Variants in INPP4B observed in about 807,000 individuals in gnomAD.
INPP4B encodes the protein inositol polyphosphate-4-phosphatase type II B.
Under a neutral mutation model 122.5 loss-of-function variants are expected in INPP4B, and 55 were observed. The observed-to-expected ratio is 0.45, with a 90% CI of 0.36 to 0.56. INPP4B has a LOEUF of 0.56. INPP4B is among the 20% of genes least tolerant of loss of function. The pLI, the probability that INPP4B is intolerant of heterozygous loss-of-function variation, is 0.00. For missense variants in INPP4B, 1,000 were observed against 1,097.7 expected (o/e 0.91, Z 1.26); for synonymous variants, 403 against 388.7 (o/e 1.04, Z -0.43).
chr4:142,523,466 T>G (rs1191709103), intron 2 of INPP4B, among the ~76,000 whole-genome samples: 1 of 152,082 alleles, frequency 6.6e-6, no homozygotes, highest in Non-Finnish European at 1.5e-5. Flanking sequence ...TTATAGGTTT[T>G]ATTTTGCTGA....
At chr4:142,195,686 C>T (rs544770988) in intron 14 of INPP4B, among the ~76,000 whole-genome samples, 3 of 152,272 alleles carry the variant, frequency 2.0e-5, no homozygotes, top group African/African-American at 7.2e-5. Flanking sequence ...TCCCCCAAAA[C>T]ATTGCCTGTA....
intron 15 of INPP4B, among the ~76,000 whole-genome samples, chr4:142,178,818 C>T (rs1330048720): frequency 9.8e-5 from 12 of 121,866 alleles, no homozygotes; most frequent in African/African-American, 3.1e-4. Flanking sequence ...TTTTTTCTAG[C>T]TCAAACCCTA....
chr4:142,354,901 C>T (rs1783070778), intron 7 of INPP4B, among the ~76,000 whole-genome samples: 1 of 151,912 alleles, frequency 6.6e-6, no homozygotes. Context: ...TCACTTCTCA[C>T]AGTTCTGTGA....
At chr4:142,801,727 T>C (rs934467244) in intron 1 of INPP4B, among the ~76,000 whole-genome samples, 2 of 152,194 alleles carry the variant, frequency 1.3e-5, no homozygotes, top group African/African-American at 4.8e-5. Context: ...TAGGTTATAA[T>C]GGAGAAGCAT....
intron 1 of INPP4B, among the ~76,000 whole-genome samples, chr4:142,727,662 C>T (rs947557755): frequency 2.0e-5 from 3 of 152,132 alleles, no homozygotes; most frequent in African/African-American, 7.2e-5. Context: ...GGGAGGATTG[C>T]TTGAGCCCAG....
intron 2 of INPP4B, among the ~76,000 whole-genome samples, chr4:142,511,857 C>A (rs542332257): frequency 6.6e-6 from 1 of 152,284 alleles, no homozygotes; most frequent in South Asian, 2.1e-4. Context: ...ATTTCCTCTA[C>A]ACCCTTAATA....
chr4:142,838,616 C>T (rs2151203795), intron 1 of INPP4B, among the ~76,000 whole-genome samples: 1 of 152,208 alleles, frequency 6.6e-6, no homozygotes, highest in South Asian at 2.1e-4. Context: ...ATATGCTTTG[C>T]TCCCTATATA....
At chr4:142,332,336 A>G (rs980520601) in intron 7 of INPP4B, among the ~76,000 whole-genome samples, 1 of 152,182 alleles carries the variant, frequency 6.6e-6, no homozygotes, top group Non-Finnish European at 1.5e-5. Flanking sequence ...AACTACAGCT[A>G]GACATTTAGT....
chr4:142,644,035 T>C (rs1751157924), intron 2 of INPP4B, among the ~76,000 whole-genome samples: 1 of 151,880 alleles, frequency 6.6e-6, no homozygotes, highest in Non-Finnish European at 1.5e-5. Flanking sequence ...ATCCCATTTC[T>C]ACAAAAACTA....
At chr4:142,813,810 T>C (rs1453823904) in intron 1 of INPP4B, among the ~76,000 whole-genome samples, 1 of 152,190 alleles carries the variant, frequency 6.6e-6, no homozygotes, top group Non-Finnish European at 1.5e-5. Flanking sequence ...CCTTTTATTA[T>C]GCTTCACTTT....
intron 5 of INPP4B, among the ~76,000 whole-genome samples, chr4:142,422,277 A>G (rs1370878599): frequency 1.3e-5 from 2 of 152,168 alleles, no homozygotes; most frequent in Non-Finnish European, 2.9e-5. Context: ...AGCATATGGC[A>G]AACAAGTAAG....
At chr4:142,158,335 A>C (rs1280410608) in intron 17 of INPP4B, among the ~76,000 whole-genome samples, 2 of 152,052 alleles carry the variant, frequency 1.3e-5, no homozygotes, top group Admixed American at 1.3e-4. Context: ...CTGCACTGCG[A>C]TTGCTATTTG....
intron 18 of INPP4B, among the ~76,000 whole-genome samples, chr4:142,141,104 C>A (rs1807565614): frequency 6.6e-6 from 1 of 152,088 alleles, no homozygotes; most frequent in South Asian, 2.1e-4. Context: ...TTCAGATACA[C>A]CTTAGGCTTA....
At chr4:142,307,100 C>T (rs1184804759) in intron 8 of INPP4B, among the ~76,000 whole-genome samples, 5 of 152,120 alleles carry the variant, frequency 3.3e-5, no homozygotes, top group South Asian at 2.1e-4. Flanking sequence ...ATGATAGGAC[C>T]GTGAGTGATG....
At chr4:142,195,396 C>T (rs1361581533) in intron 14 of INPP4B, among the ~76,000 whole-genome samples, 1 of 151,994 alleles carries the variant, frequency 6.6e-6, no homozygotes, top group Non-Finnish European at 1.5e-5. Flanking sequence ...GTATTATTTA[C>T]TTAAAAATGT....
At chr4:142,282,552 T>C (rs1156438896) in intron 9 of INPP4B, among the ~76,000 whole-genome samples, 2 of 152,106 alleles carry the variant, frequency 1.3e-5, no homozygotes, top group Non-Finnish European at 2.9e-5. Context: ...CTTAGAAAAA[T>C]CCACGTTATA....
At chr4:142,138,782 A>T (rs1002392653) in intron 18 of INPP4B, among the ~76,000 whole-genome samples, 51 of 152,174 alleles carry the variant, frequency 3.4e-4, no homozygotes, top group African/African-American at 1.2e-3. Flanking sequence ...TGTCACATAA[A>T]TGTGAGTGTA....
chr4:142,607,233 C>T (rs547718932), intron 2 of INPP4B, among the ~76,000 whole-genome samples: 1 of 151,816 alleles, frequency 6.6e-6, no homozygotes, highest in Admixed American at 6.6e-5. Context: ...TTAATCATTC[C>T]CTTTTTGTTG....
intron 18 of INPP4B, among the ~76,000 whole-genome samples, chr4:142,145,147 T>C (rs188208068): frequency 1.7e-3 from 265 of 152,158 alleles, no homozygotes; most frequent in African/African-American, 6.1e-3. Context: ...CAGGGACACA[T>C]CTGTAGTTAA....
Sources: gnomAD v4.1 joint callset for allele counts (sites outside exome capture counted in the v4.1 genomes callset) on GRCh38, gnomAD v4.1.1 for gene constraint, MANE v1.5 for transcripts, NCBI Gene and HGNC (gene_info 2026-07-23, HGNC 2026-07-21) for gene names.